The following DOK6 variants were observed in gnomAD, a reference collection of about 807,000 sequenced individuals.
DOK6 encodes downstream of tyrosine kinase 6.
A neutral mutation model predicts 44.0 loss-of-function variants in DOK6; 22 were observed. That is an observed-to-expected ratio of 0.50 (90% CI 0.36 to 0.71). DOK6 has a LOEUF of 0.71. Among genes scored for constraint, DOK6 ranks in the 30% least tolerant of loss-of-function variants. The pLI, the probability that DOK6 is intolerant of heterozygous loss-of-function variation, is 0.00. For synonymous variants in DOK6, 166 were observed against 145.5 expected, an observed-to-expected ratio of 1.14 and a Z score of -1.01; for missense variants, 340 against 416.4, an observed-to-expected ratio of 0.82 and a Z score of 1.60.
chr18:69,794,438 T>C (rs939864751), intron 7 of DOK6, among the ~76,000 whole-genome samples: 6 of 152,212 alleles, frequency 3.9e-5, no homozygotes, highest in African/African-American at 1.4e-4. Flanking sequence ...TTTTCAGCTA[T>C]AATATCCATT....
intron 1 of DOK6, among the ~76,000 whole-genome samples, chr18:69,455,989 G>A (rs1448751334): frequency 6.6e-6 from 1 of 152,042 alleles, no homozygotes; most frequent in African/African-American, 2.4e-5. Context: ...TAATTTAAAA[G>A]AGGGATTAAA....
intron 5 of DOK6, among the ~76,000 whole-genome samples, chr18:69,708,267 G>A (rs529416291): frequency 8.5e-5 from 13 of 152,200 alleles, no homozygotes; most frequent in African/African-American, 3.1e-4. Context: ...TTTATAATAC[G>A]CAATGTGCCT....
rs1306212222 is a variant in DOK6, at chr18:69,521,448, A to AAT, written c.67-43038_67-43037insTA. On this transcript the variant is annotated intron_variant, in intron 1 of 7. Coordinates refer to ENST00000382713, the MANE Select transcript of DOK6 (RefSeq NM_152721.6). ...ATGCCTTAAATTTTACAGTCATTTA[A>AAT]AAAAAAAAAACATGTGAATCAAAGT... Among the ~76,000 whole-genome samples, 462 of 146,048 alleles carry AAT rather than the reference A, an allele frequency of 3.2e-3. 2 individuals carry two copies. Among genetic ancestry groups the AAT allele is most frequent in the African/African-American group, 0.011 (436 of 38,172 alleles).
intron 3 of DOK6, among the ~76,000 whole-genome samples, chr18:69,640,593 A>G (rs1207857619): frequency 6.6e-6 from 1 of 152,144 alleles, no homozygotes; most frequent in Non-Finnish European, 1.5e-5. Context: ...ACAGCATCTA[A>G]CCCTGGGGGC....
chr18:69,768,361 TG>T (rs1979783253), intron 7 of DOK6, among the ~76,000 whole-genome samples: 1 of 151,972 alleles, frequency 6.6e-6, no homozygotes, highest in Non-Finnish European at 1.5e-5. Context: ...GAGGAGCATC[TG>T]GTTCACCATA....
chr18:69,733,079 A>C (rs572656358), intron 5 of DOK6, among the ~76,000 whole-genome samples: 2 of 152,126 alleles, frequency 1.3e-5, no homozygotes, highest in Non-Finnish European at 2.9e-5. Context: ...CTGTACAAAC[A>C]GCTACTCAGG....
chr18:69,832,565 C>G (rs762150380), intron 7 of DOK6: 2 of 151,870 alleles, frequency 1.3e-5, no homozygotes, highest in African/African-American at 4.8e-5. Context: ...AGTATTATCT[C>G]CTCTTCAATT....
chr18:69,695,623 T>C (rs1426036671), intron 4 of DOK6, among the ~76,000 whole-genome samples: 1 of 152,204 alleles, frequency 6.6e-6, no homozygotes, highest in Non-Finnish European at 1.5e-5. Context: ...CCTTCGTCAT[T>C]ATAACGGAAT....
At position 69,847,773 on chromosome 18, in the gene DOK6, A is replaced by AAAAAT. The variant is rs1555674698; in HGVS notation, c.*6391_*6392insAAATA. Reference sequence around the variant, plus strand: ...AATGCTTACTCTTGTAAAAAAAAAAAATATATATATATGTATCAGCAGGTA... The same window carrying AAAAAT: ...AATGCTTACTCTTGTAAAAAAAAAAAAAAATATATATATATATGTATCAGCAGGTA... On this transcript the variant is annotated 3_prime_UTR_variant, in exon 8 of 8. Coordinates refer to ENST00000382713, the MANE Select transcript of DOK6 (RefSeq NM_152721.6). The AAAAAT allele has an allele frequency of 4.7e-5, 7 of 150,522 alleles. No individual in the cohort carries two copies. Among genetic ancestry groups the AAAAAT allele is most frequent in the African/African-American group, 1.7e-4 (7 of 41,054 alleles). The allele number at this position is 150,522 out of a possible 1,614,324, so 9.3% of individuals were successfully genotyped here.
At chr18:69,706,009 C>G (rs2144710496) in intron 5 of DOK6, among the ~76,000 whole-genome samples, 1 of 151,982 alleles carries the variant, frequency 6.6e-6, no homozygotes, top group Middle Eastern at 3.4e-3. Context: ...AGGTACAACT[C>G]AATACATGCA....
chr18:69,754,041 T>C (rs1246242233), intron 6 of DOK6, among the ~76,000 whole-genome samples: 1 of 152,134 alleles, frequency 6.6e-6, no homozygotes, highest in Non-Finnish European at 1.5e-5. Context: ...GTCCTAAAAA[T>C]CCTCCTGGTC....
intron 7 of DOK6, among the ~76,000 whole-genome samples, chr18:69,806,613 T>C (rs1334028474): frequency 6.6e-6 from 1 of 151,994 alleles, no homozygotes; most frequent in Non-Finnish European, 1.5e-5. Flanking sequence ...TGCATTTTGA[T>C]TTAATTTTCT....
At chr18:69,486,193 G>T (rs112099539) in intron 1 of DOK6, among the ~76,000 whole-genome samples, 1 of 151,672 alleles carries the variant, frequency 6.6e-6, no homozygotes, top group African/African-American at 2.4e-5. Context: ...GACATTTCTT[G>T]TTCCTTTATT....
At chr18:69,474,853 C>T (rs1980217241) in intron 1 of DOK6, among the ~76,000 whole-genome samples, 1 of 152,084 alleles carries the variant, frequency 6.6e-6, no homozygotes, top group African/African-American at 2.4e-5. Context: ...AATCCTGCAG[C>T]CTGTGATTTT....
intron 3 of DOK6, among the ~76,000 whole-genome samples, chr18:69,614,168 T>C (rs1984227591): frequency 1.3e-5 from 2 of 152,104 alleles, no homozygotes; most frequent in South Asian, 2.1e-4. Context: ...TTAGGTGATA[T>C]ATTTGTATCT....
intron 2 of DOK6, among the ~76,000 whole-genome samples, chr18:69,589,907 A>T (rs1262784457): frequency 6.6e-6 from 1 of 152,160 alleles, no homozygotes; most frequent in African/African-American, 2.4e-5. Flanking sequence ...GTAATGGTGG[A>T]ACAGGTAAAA....
chr18:69,845,688 T>C lies in DOK6; in HGVS notation c.*4305T>C, dbSNP rs2145145479. ...CTTGGTCTCTACCTTTCTAACATTC[T>C]AACCCAAGGCCAGTGTCATGGGCTT... On this transcript the variant is annotated 3_prime_UTR_variant, in exon 8 of 8. Coordinates refer to ENST00000382713, the MANE Select transcript of DOK6 (RefSeq NM_152721.6). 6.6e-6 allele frequency: 1 copy of C among 152,326 alleles called. No homozygotes were observed. The highest frequency in any genetic ancestry group is 2.4e-5 in the African/African-American group (1 of 41,574). 9.4% of individuals were successfully genotyped at this position (152,326 alleles called of 1,614,324 possible).
At chr18:69,759,013 G>C (rs1208089328) in intron 7 of DOK6, among the ~76,000 whole-genome samples, 3 of 152,194 alleles carry the variant, frequency 2.0e-5, no homozygotes, top group Admixed American at 2.0e-4. Flanking sequence ...AGTTGGAATG[G>C]TTTTAGTCAA....
chr18:69,657,729 A>G (rs977104914), intron 3 of DOK6, among the ~76,000 whole-genome samples: 4 of 152,230 alleles, frequency 2.6e-5, no homozygotes, highest in Non-Finnish European at 5.9e-5. Flanking sequence ...AACTGGCCCA[A>G]CACAAGAAGG....
Sources: allele counts gnomAD v4.1 joint callset (sites outside exome capture counted in the v4.1 genomes callset), GRCh38; gene constraint gnomAD v4.1.1; transcripts MANE v1.5; gene names NCBI Gene and HGNC (gene_info 2026-07-23, HGNC 2026-07-21).